PRKG1: variants seen among roughly 807,000 people sequenced by gnomAD.
PRKG1 encodes the protein cGMP-dependent protein kinase 1.
PRKG1 carries 35 observed loss-of-function variants against 88.1 expected under a neutral mutation model. That is an observed-to-expected ratio of 0.40 (90% CI 0.30 to 0.53). PRKG1 has a LOEUF of 0.53. Ranked by LOEUF, PRKG1 falls within the 20% of genes least tolerant of loss-of-function variation. PRKG1 has a pLI of 0.59. For synonymous variants in PRKG1, 303 were observed against 292.5 expected, an observed-to-expected ratio of 1.04 and a Z score of -0.37; for missense variants, 540 against 839.8, an observed-to-expected ratio of 0.64 and a Z score of 4.41.
At chr10:51,417,665 A>G (rs944554585) in intron 2 of PRKG1, among the ~76,000 whole-genome samples, 1 of 152,162 alleles carries the variant, frequency 6.6e-6, no homozygotes, top group Non-Finnish European at 1.5e-5. Context: ...TGGGATGGAT[A>G]TACTTCTTAG....
chr10:51,266,660 G>A (rs749489777), intron 2 of PRKG1, among the ~76,000 whole-genome samples: 14 of 152,222 alleles, frequency 9.2e-5, no homozygotes, highest in Non-Finnish European at 1.6e-4. Context: ...ATCAGTTAAA[G>A]TACGGGCTGT....
chr10:51,125,887 A>G (rs1204544186), intron 1 of PRKG1, among the ~76,000 whole-genome samples: 2 of 137,322 alleles, frequency 1.5e-5, no homozygotes, highest in African/African-American at 5.4e-5. Context: ...AACTTATATG[A>G]TTTATAATTA....
rs111474010 is a variant in PRKG1, at chr10:51,795,313, A to G, written c.593-9272A>G. ...GACAACATTGATGGTAATTTTTCTT[A>G]CTATTAAGTATATAATAATGATTCT... On this transcript the variant is annotated intron_variant, in intron 3 of 17. Coordinates refer to ENST00000373980, the MANE Select transcript of PRKG1 (RefSeq NM_006258.4). Among the ~76,000 whole-genome samples, 535 of 152,178 alleles carry G rather than the reference A, an allele frequency of 3.5e-3. 5 individuals are homozygous for G. Among genetic ancestry groups the G allele is most frequent in the African/African-American group, 0.013 (520 of 41,524 alleles).
chr10:52,033,818 T>C (rs1235918206), intron 5 of PRKG1, among the ~76,000 whole-genome samples: 1 of 152,006 alleles, frequency 6.6e-6, no homozygotes, highest in African/African-American at 2.4e-5. Context: ...TGGCTGTTTA[T>C]TTCACCCGGG....
intron 3 of PRKG1, among the ~76,000 whole-genome samples, chr10:51,743,726 A>ATATATAT (rs1274767875): frequency 2.5e-5 from 1 of 39,610 alleles, no homozygotes; most frequent in African/African-American, 1.2e-4. Context: ...ATATATATAT[A>ATATATAT]ATATAAACTA....
intron 1 of PRKG1, among the ~76,000 whole-genome samples, chr10:50,995,415 A>G (rs1842827749): frequency 1.3e-5 from 2 of 152,348 alleles, no homozygotes; most frequent in South Asian, 4.1e-4. Flanking sequence ...GTTTAAAAAG[A>G]ACATATCCGA....
chr10:51,521,878 G>A (rs1312018939), intron 3 of PRKG1, among the ~76,000 whole-genome samples: 2 of 152,002 alleles, frequency 1.3e-5, no homozygotes, highest in South Asian at 2.1e-4. Context: ...TTTAACATAA[G>A]GCTGTGAAAT....
chr10:51,650,542 A>G (rs1485505863), intron 3 of PRKG1, among the ~76,000 whole-genome samples: 2 of 152,182 alleles, frequency 1.3e-5, no homozygotes, highest in Non-Finnish European at 2.9e-5. Flanking sequence ...CTTTCAAACT[A>G]TTATCTTTGC....
intron 5 of PRKG1, among the ~76,000 whole-genome samples, chr10:51,957,428 A>G (rs1843341536): frequency 6.6e-6 from 1 of 151,768 alleles, no homozygotes; most frequent in South Asian, 2.1e-4. Context: ...AGTAGCTGGG[A>G]CTACAGGCTC....
At chr10:51,963,193 A>G (rs1017824484) in intron 5 of PRKG1, among the ~76,000 whole-genome samples, 11 of 152,150 alleles carry the variant, frequency 7.2e-5, no homozygotes, top group Non-Finnish European at 1.3e-4. Context: ...AGTATTTACT[A>G]TTTACTGTGG....
intron 2 of PRKG1, among the ~76,000 whole-genome samples, chr10:51,269,099 G>A (rs1839911473): frequency 6.6e-6 from 1 of 152,054 alleles, no homozygotes; most frequent in South Asian, 2.1e-4. Flanking sequence ...TATACAAATA[G>A]CCAACAAACA....
At chr10:51,814,766 C>T (rs1328429087) in intron 4 of PRKG1, among the ~76,000 whole-genome samples, 1 of 151,934 alleles carries the variant, frequency 6.6e-6, no homozygotes, top group Non-Finnish European at 1.5e-5. Flanking sequence ...CATATTGATC[C>T]ATTTTTTATT....
At chr10:51,322,129 G>A (rs1662836723) in intron 2 of PRKG1, among the ~76,000 whole-genome samples, 1 of 152,138 alleles carries the variant, frequency 6.6e-6, no homozygotes, top group Admixed American at 6.5e-5. Context: ...CCCATTCCCA[G>A]TTGAGTAATT....
At chr10:51,614,484 C>T (rs190208408) in intron 3 of PRKG1, among the ~76,000 whole-genome samples, 49 of 150,276 alleles carry the variant, frequency 3.3e-4, no homozygotes, top group African/African-American at 8.8e-4. Flanking sequence ...AAATGTATTC[C>T]GCCAGTCTAT....
intron 1 of PRKG1, among the ~76,000 whole-genome samples, chr10:51,111,568 A>G (rs537245706): frequency 3.3e-5 from 5 of 152,100 alleles, no homozygotes; most frequent in African/African-American, 4.8e-5. Flanking sequence ...GGGACTACCT[A>G]TTGGACTTGT....
At chr10:51,907,059 G>A (rs1024264072) in intron 4 of PRKG1, among the ~76,000 whole-genome samples, 2 of 152,162 alleles carry the variant, frequency 1.3e-5, no homozygotes, top group African/African-American at 2.4e-5. Flanking sequence ...TCCAAAGGCA[G>A]GAGGGTATAA....
intron 3 of PRKG1, among the ~76,000 whole-genome samples, chr10:51,514,191 A>G (rs561820303): frequency 1.3e-5 from 2 of 151,302 alleles, no homozygotes; most frequent in South Asian, 2.1e-4. Context: ...CAGAAATACA[A>G]ACTACCATCA....
At position 51,390,974 on chromosome 10, in the gene PRKG1, T is replaced by C. The variant is rs138853891; in HGVS notation, c.479-76749T>C. Among the ~76,000 whole-genome samples the C allele has an allele frequency of 2.4e-3, 360 of 152,262 alleles. 5 individuals are homozygous for C. The East Asian group carries it at 0.029, about 12-fold the overall frequency. Reference sequence around the variant, plus strand: ...GTTGAAAAACCCTGCGCAAAGATAATTGGTTTTGATTTAGTCTTCGTAAAC... The same window carrying C: ...GTTGAAAAACCCTGCGCAAAGATAACTGGTTTTGATTTAGTCTTCGTAAAC... On this transcript the variant is annotated intron_variant, in intron 2 of 17. Transcript: ENST00000373980.
chr10:51,554,147 A>G (rs866883700), intron 3 of PRKG1, among the ~76,000 whole-genome samples: 5 of 146,380 alleles, frequency 3.4e-5, no homozygotes, highest in African/African-American at 1.2e-4. Context: ...CGTATGTGAT[A>G]TGTGTATATA....
Sources: gnomAD v4.1 joint callset for allele counts (sites outside exome capture counted in the v4.1 genomes callset) on GRCh38, gnomAD v4.1.1 for gene constraint, MANE v1.5 for transcripts, NCBI Gene and HGNC (gene_info 2026-07-23, HGNC 2026-07-21) for gene names.